Variants in STRN observed in about 807,000 individuals in gnomAD.
The protein encoded by STRN is protein phosphatase 2 regulatory subunit B'''alpha.
STRN carries 53 observed loss-of-function variants against 96.3 expected under a neutral mutation model. The observed-to-expected ratio is 0.55, with a 90% CI of 0.44 to 0.69. The LOEUF is 0.69. STRN is among the 30% of genes least tolerant of loss of function. The pLI is 0.00. For synonymous variants in STRN, 428 were observed against 355.9 expected, an observed-to-expected ratio of 1.20 and a Z score of -2.28; for missense variants, 987 against 963.9, an observed-to-expected ratio of 1.02 and a Z score of -0.32.
In STRN at chr2:36,846,525, C is replaced by T. The variant is rs573247333; in HGVS notation, c.*2931G>A. Reference sequence around the variant, plus strand: ...TTTTCAAATAAATCTTCATCATTATCTCCAAAAGAAATTTATAGCAAGAAT... The same window carrying T: ...TTTTCAAATAAATCTTCATCATTATTTCCAAAAGAAATTTATAGCAAGAAT... On this transcript the variant is annotated 3_prime_UTR_variant, in exon 18 of 18. Coordinates refer to ENST00000263918, the MANE Select transcript of STRN (RefSeq NM_003162.4). 4.1e-5 allele frequency: 6 copies of T among 146,174 alleles called. No individual in the cohort carries two copies. The highest frequency in any genetic ancestry group is 3.4e-4 in the Admixed American group (5 of 14,504). The allele number at this position is 146,174 out of a possible 1,614,324, so 9.1% of individuals were successfully genotyped here.
At chr2:36,936,762 G>T (rs778614127) in intron 1 of STRN, among the ~76,000 whole-genome samples, 19 of 152,236 alleles carry the variant, frequency 1.2e-4, no homozygotes, top group Non-Finnish European at 2.4e-4. Context: ...TATTTTTGAT[G>T]TTACCAGCCC....
At chr2:36,876,792 G>C (rs191731972) in intron 10 of STRN, among the ~76,000 whole-genome samples, 6 of 151,532 alleles carry the variant, frequency 4.0e-5, no homozygotes, top group Admixed American at 1.3e-4. Context: ...CTGTCGCCCA[G>C]GCTGGAGTAC....
chr2:36,899,680 C>T (rs188564083), intron 5 of STRN, 22 bp from the exon 6 acceptor site: 60 of 1,563,364 alleles, frequency 3.8e-5, no homozygotes, highest in Admixed American at 2.6e-4. Context: ...CATGTATATC[C>T]TGCTTAGTTA....
At chr2:36,950,796 T>C (rs1185646260) in intron 1 of STRN, among the ~76,000 whole-genome samples, 2 of 152,222 alleles carry the variant, frequency 1.3e-5, no homozygotes, top group African/African-American at 4.8e-5. Flanking sequence ...TTTAGCCTTT[T>C]TGTGTTTATT....
intron 1 of STRN, among the ~76,000 whole-genome samples, chr2:36,941,744 G>T (rs1017470294): frequency 7.1e-6 from 1 of 140,714 alleles, no homozygotes; most frequent in East Asian, 1.9e-4. Flanking sequence ...AGTGGAGACG[G>T]GTTTCACCAT....
chr2:36,939,258 G>A (rs962915762), intron 1 of STRN, among the ~76,000 whole-genome samples: 2 of 151,778 alleles, frequency 1.3e-5, no homozygotes, highest in African/African-American at 4.8e-5. Context: ...AAGCTATTGC[G>A]TGGGATACAC....
intron 5 of STRN, among the ~76,000 whole-genome samples, chr2:36,900,563 T>A (rs1342636957): frequency 6.6e-6 from 1 of 152,192 alleles, no homozygotes; most frequent in Non-Finnish European, 1.5e-5. Flanking sequence ...AATTTTCAAA[T>A]ATATGACTTG....
At chr2:36,905,836 C>G (rs1404382883) in intron 3 of STRN, among the ~76,000 whole-genome samples, 1 of 152,092 alleles carries the variant, frequency 6.6e-6, no homozygotes, top group African/African-American at 2.4e-5. Context: ...CTAAGAGTAG[C>G]AGAACTAAAA....
intron 2 of STRN, among the ~76,000 whole-genome samples, chr2:36,920,785 T>A (rs1162261656): frequency 6.8e-6 from 1 of 147,414 alleles, no homozygotes; most frequent in Non-Finnish European, 1.5e-5. Context: ...CTAAAAAAAA[T>A]AAGCAACTCT....
intron 10 of STRN, among the ~76,000 whole-genome samples, chr2:36,875,702 G>A (rs1393639587): frequency 2.0e-5 from 3 of 147,688 alleles, no homozygotes; most frequent in South Asian, 2.1e-4. Flanking sequence ...TATCGCCCGC[G>A]CTGGAGTGCG....
At chr2:36,864,581 A>T (rs76627050) in intron 12 of STRN, among the ~76,000 whole-genome samples, 1 of 152,136 alleles carries the variant, frequency 6.6e-6, no homozygotes, top group Admixed American at 6.6e-5. Flanking sequence ...AGATTTTTGC[A>T]TCTATGTTCA....
chr2:36,887,266 A>AAAATAAATAAAT lies in STRN; in HGVS notation c.932-452_932-441dup, dbSNP rs34577574. 8.2e-3 allele frequency among the ~76,000 whole-genome samples: 1,115 copies of AAAATAAATAAAT among 136,452 alleles called. 9 individuals are homozygous for AAAATAAATAAAT. Among genetic ancestry groups the AAAATAAATAAAT allele is most frequent in the East Asian group, 0.017 (77 of 4,542 alleles). 89.5% of individuals were successfully genotyped at this position (136,452 alleles called of 152,430 possible). A position where few individuals can be genotyped will look rare whatever the true frequency, so the allele number is the denominator to read the frequency against. On this transcript the variant is annotated intron_variant, in intron 7 of 17. Transcript: ENST00000263918. ...CAACAGGTGAAACCCCATTTCTAGTAAAATAAATAAATAAATAAATAAATA... is the reference window on the plus strand; with the variant it reads ...CAACAGGTGAAACCCCATTTCTAGTAAAATAAATAAATAAATAAATAAATAAATAAATAAATA...
At chr2:36,850,461 A>C (rs1287641863) in intron 16 of STRN, among the ~76,000 whole-genome samples, 1 of 152,202 alleles carries the variant, frequency 6.6e-6, no homozygotes, top group Non-Finnish European at 1.5e-5. Flanking sequence ...ATCAATGAGG[A>C]CCAACCAGTC....
chr2:36,921,953 C>A (rs1670271004), intron 2 of STRN, among the ~76,000 whole-genome samples: 1 of 152,148 alleles, frequency 6.6e-6, no homozygotes, highest in African/African-American at 2.4e-5. Context: ...TTTAGAACAT[C>A]TGAATATAGA....
chr2:36,938,749 G>A (rs1670768416), intron 1 of STRN, among the ~76,000 whole-genome samples: 1 of 152,098 alleles, frequency 6.6e-6, no homozygotes, highest in African/African-American at 2.4e-5. Context: ...GACTCTTAAT[G>A]ACAATTTTGT....
intron 1 of STRN, among the ~76,000 whole-genome samples, chr2:36,926,869 T>C (rs923983016): frequency 6.6e-6 from 1 of 152,164 alleles, no homozygotes; most frequent in Non-Finnish European, 1.5e-5. Context: ...AGAATAGTAA[T>C]GACACATGCA....
Position 36,838,126 on chromosome 2 carries a change from A to G in STRN, c.*11330T>C, listed in dbSNP as rs1290689823. Among the ~76,000 whole-genome samples the G allele has an allele frequency of 6.6e-6, 1 of 152,214 alleles. No homozygotes were observed. The highest frequency in any genetic ancestry group is 2.4e-5 in the African/African-American group (1 of 41,454). ...AAAAGCAGTTTTCTCTGGCTGGTAG[A>G]AGTAGAGTCAAAGTATAAAAATAAT... On this transcript the variant is annotated 3_prime_UTR_variant, in exon 18 of 18. Transcript: ENST00000263918.
rs115496721 is a variant in STRN at position 36,871,795 on chromosome 2, C to T, written c.1324-2066G>A. ...GGAAAAGAGAAGTTAAGTGACTTGC[C>T]CAAAGAACCCTGCTAGTAAGTGGAG... is the stretch of plus-strand genomic sequence containing the variant. On this transcript the variant is annotated intron_variant, in intron 10 of 17. Transcript: ENST00000263918. Among the ~76,000 whole-genome samples the T allele has an allele frequency of 5.2e-3, 798 of 152,116 alleles. 6 individuals are homozygous for T. The highest frequency in any genetic ancestry group is 0.018 in the African/African-American group (741 of 41,478).
rs1209652590 is a variant in STRN, at chr2:36,934,265, C to T, written c.235-9057G>A. On this transcript the variant is annotated intron_variant, in intron 1 of 17. Coordinates refer to ENST00000263918, the MANE Select transcript of STRN (RefSeq NM_003162.4). Reference sequence around the variant, plus strand: ...CCCATCAAAAATCAGTGAACTAATTCAGCAAATGCTCCAACCTGAGCAAAA... The same window carrying T: ...CCCATCAAAAATCAGTGAACTAATTTAGCAAATGCTCCAACCTGAGCAAAA... 2.0e-5 allele frequency among the ~76,000 whole-genome samples: 3 copies of T among 152,124 alleles called. No homozygotes were observed. In the East Asian group the frequency reaches 5.8e-4, roughly 29 times the overall value.
Sources: allele counts gnomAD v4.1 joint callset (sites outside exome capture counted in the v4.1 genomes callset), GRCh38; gene constraint gnomAD v4.1.1; transcripts MANE v1.5; gene names NCBI Gene and HGNC (gene_info 2026-07-23, HGNC 2026-07-21).